Variants in LYVE1 observed in about 807,000 individuals in gnomAD.
LYVE1 encodes lymphatic vessel endothelial hyaluronic acid receptor 1.
In LYVE1, 29 loss-of-function variants were observed where a neutral mutation model predicts 31.5. The ratio of observed to expected loss-of-function variants is 0.92; its 90% CI spans 0.69 to 1.26. LYVE1 has a LOEUF of 1.26. LYVE1 is among the 50% of genes most tolerant of loss of function. The probability of loss-of-function intolerance (pLI) is 0.00; values close to 1 mark genes in which losing one functional copy is unlikely to be tolerated. For missense variants in LYVE1, 376 were observed against 380.2 expected (o/e 0.99, Z 0.09); for synonymous variants, 134 against 139.4 (o/e 0.96, Z 0.27).
intron 4 of LYVE1, 99 bp from the exon 5 acceptor site, chr11:10,559,993 G>T: frequency 1.2e-6 from 1 of 829,696 alleles, no homozygotes; most frequent in East Asian, 2.5e-5. Context: ...GACAGTACAG[G>T]AGAAAAACCT....
intron 1 of LYVE1, among the ~76,000 whole-genome samples, chr11:10,566,513 A>C (rs758106575): frequency 2.6e-5 from 4 of 152,208 alleles, no homozygotes; most frequent in Middle Eastern, 6.8e-3. Flanking sequence ...CTCCCTGAAC[A>C]CACCGTTTGC....
At position 10,559,854 on chromosome 11, in the gene LYVE1, AAAG is replaced by A. The variant is rs779995039; in HGVS notation, c.741_743del (p.Phe248del). On this transcript the variant is annotated inframe_deletion, in exon 5 of 6. Coordinates refer to ENST00000256178, the MANE Select transcript of LYVE1 (RefSeq NM_006691.4). ...AAAATCCAAGACCAGCTGCAGCACC[AAAG>A]AAGAGGAGAGCAAGCACTAGCAGAG... 6.2e-6 allele frequency: 10 copies of A among 1,613,986 alleles called. No homozygotes were observed. The highest frequency in any genetic ancestry group is 1.1e-5 in the South Asian group (1 of 91,070).
rs930123438 is a variant in LYVE1, at chr11:10,559,801, C to T, written c.782+15G>A. On this transcript the variant is annotated intron_variant, in intron 5 of 5. Transcript: ENST00000256178. The stretch of plus-strand genomic sequence containing the variant: ...GACAAAGATTACAAGACTAGCAGTG[C>T]ACCAACAACCCTACCTTTTGACATA... The T allele has an allele frequency of 1.6e-5, 25 of 1,611,618 alleles. No homozygotes were observed. Among genetic ancestry groups the T allele is most frequent in the Non-Finnish European group, 2.1e-5 (25 of 1,177,832 alleles).
chr11:10,564,655 A>G (rs919331957), intron 1 of LYVE1, among the ~76,000 whole-genome samples: 7 of 152,182 alleles, frequency 4.6e-5, no homozygotes, highest in Non-Finnish European at 1.0e-4. Context: ...GGCTTTGGCT[A>G]CCTGTTGTTG....
intron 1 of LYVE1, 31 bp from the exon 2 acceptor site, chr11:10,564,405 G>T (rs942104929): frequency 1.3e-6 from 2 of 1,599,234 alleles, no homozygotes; most frequent in South Asian, 1.1e-5. Flanking sequence ...TCCTCAGTTT[G>T]CTGCTGTCCT....
chr11:10,557,987 T>C lies in LYVE1; in HGVS notation c.*1124A>G, dbSNP rs1203304799. The C allele has an allele frequency of 6.6e-6, 1 of 152,224 alleles. No individual in the cohort carries two copies. Among genetic ancestry groups the C allele is most frequent in the Admixed American group, 6.5e-5 (1 of 15,274 alleles). The allele number at this position is 152,224 out of a possible 1,614,324, so 9.4% of individuals were successfully genotyped here. ...ATGGCACTTTTAAAATGTGCTTTGG[T>C]ATATAGAGGTAACAATGTACTTCTT... On this transcript the variant is annotated 3_prime_UTR_variant, in exon 6 of 6. Coordinates refer to ENST00000256178, the MANE Select transcript of LYVE1 (RefSeq NM_006691.4).
Position 10,557,707 on chromosome 11 carries a change from T to C in LYVE1, c.*1404A>G, listed in dbSNP as rs145496325. Reference sequence around the variant, plus strand: ...AACTCAAAATAAAATGTTTGGAGCATGAATAGCCCCATATGATATATGCTG... The same window carrying C: ...AACTCAAAATAAAATGTTTGGAGCACGAATAGCCCCATATGATATATGCTG... On this transcript the variant is annotated 3_prime_UTR_variant, in exon 6 of 6. Coordinates refer to ENST00000256178, the MANE Select transcript of LYVE1 (RefSeq NM_006691.4). 2.0e-5 allele frequency: 3 copies of C among 152,378 alleles called. No individual in the cohort carries two copies. The East Asian group carries it at 5.8e-4, about 29-fold the overall frequency. The allele number at this position is 152,378 out of a possible 1,614,324, so 9.4% of individuals were successfully genotyped here.
At chr11:10,562,715 G>A (rs1054026049) in intron 3 of LYVE1, among the ~76,000 whole-genome samples, 1 of 152,148 alleles carries the variant, frequency 6.6e-6, no homozygotes, top group Non-Finnish European at 1.5e-5. Flanking sequence ...GGCTAAGGCA[G>A]CCAAGGTCTT....
chr11:10,565,167 T>G (rs1850510682), intron 1 of LYVE1, among the ~76,000 whole-genome samples: 1 of 152,334 alleles, frequency 6.6e-6, no homozygotes, highest in Non-Finnish European at 1.5e-5. Context: ...TTTAGCATAG[T>G]GCCTGCCACA....
chr11:10,567,713 A>G (rs1850569354), intron 1 of LYVE1, among the ~76,000 whole-genome samples: 2 of 152,228 alleles, frequency 1.3e-5, no homozygotes, highest in Admixed American at 6.5e-5. Context: ...AGGCATCTCA[A>G]AAGCCCAGCG....
intron 1 of LYVE1, among the ~76,000 whole-genome samples, chr11:10,567,778 T>C (rs977348454): frequency 6.6e-6 from 1 of 152,230 alleles, no homozygotes; most frequent in African/African-American, 2.4e-5. Context: ...TTCAAACTTA[T>C]ATTTTTACAG....
Position 10,558,416 on chromosome 11 carries a change from A to T in LYVE1, c.*695T>A, listed in dbSNP as rs566772274. ...AGCAGTGGTAGAGACCAGAAAAAGT[A>T]AGTGTGTGTGTTCTAAACAGTGATT... On this transcript the variant is annotated 3_prime_UTR_variant, in exon 6 of 6. Transcript: ENST00000256178. The T allele has an allele frequency of 6.6e-6, 1 of 152,342 alleles. No individual in the cohort carries two copies. Among genetic ancestry groups the T allele is most frequent in the Non-Finnish European group, 1.5e-5 (1 of 68,030 alleles). 9.4% of individuals were successfully genotyped at this position (152,342 alleles called of 1,614,324 possible).
In LYVE1 at chr11:10,557,447, G is replaced by A. The variant is rs1850337579; in HGVS notation, c.*1664C>T. 1 of 152,234 alleles carries A rather than the reference G, an allele frequency of 6.6e-6. No homozygotes were observed. The highest frequency in any genetic ancestry group is 1.9e-4 in the East Asian group (1 of 5,200). The allele number at this position is 152,234 out of a possible 1,614,324, so 9.4% of individuals were successfully genotyped here. On this transcript the variant is annotated 3_prime_UTR_variant, in exon 6 of 6. Coordinates refer to ENST00000256178, the MANE Select transcript of LYVE1 (RefSeq NM_006691.4). ...GGGCCAACCGGAAAAGATTATGCCAGCAGGTTGTGGCATCTGGGCCGAAGG... is the reference window on the plus strand; with the variant it reads ...GGGCCAACCGGAAAAGATTATGCCAACAGGTTGTGGCATCTGGGCCGAAGG...
Position 10,564,264 on chromosome 11 carries a change from G to T in LYVE1, c.196C>A (p.Leu66Ile). Reference sequence around the variant, plus strand: ...ACTTGGTCCTTGCCGGCCAAACTTAGTCCCAGCAGCCTACAGGCCTCCTTA... The same window carrying T: ...ACTTGGTCCTTGCCGGCCAAACTTATTCCCAGCAGCCTACAGGCCTCCTTA... ...EAKEACRLLG[L>I]SLAGKDQVET... Residue 66 changes from leucine (L) to isoleucine (I), a missense_variant, in exon 2 of 6, where the codon CTA becomes ATA. Leu to Ile is a conservative substitution (Grantham distance 5). Transcript: ENST00000256178. 3.1e-6 allele frequency: 5 copies of T among 1,614,182 alleles called. No homozygotes were observed. The highest frequency in any genetic ancestry group is 4.2e-6 in the Non-Finnish European group (5 of 1,180,020).
chr11:10,563,122 T>G (rs563726922), intron 3 of LYVE1, among the ~76,000 whole-genome samples: 1 of 151,842 alleles, frequency 6.6e-6, no homozygotes, highest in Non-Finnish European at 1.5e-5. Flanking sequence ...CCTGGCTAAT[T>G]TTTTGTATTT....
intron 5 of LYVE1, 63 bp from the exon 6 acceptor site, chr11:10,559,360 T>C (rs1850370812): frequency 7.2e-7 from 1 of 1,384,962 alleles, no homozygotes. Context: ...ATAACACTTT[T>C]TGGCCATGGT....
Position 10,558,979 on chromosome 11 carries a change from G to A in LYVE1, c.*132C>T, listed in dbSNP as rs1386164144. 8.9e-6 allele frequency: 7 copies of A among 787,368 alleles called. No homozygotes were observed. The highest frequency in any genetic ancestry group is 1.5e-5 in the Non-Finnish European group (7 of 475,722). 48.8% of individuals were successfully genotyped at this position (787,368 alleles called of 1,614,324 possible). ...CTCCATAGTCCAATGGCAGTCCTGA[G>A]CTGATTCCAGTTAGGAACCAAGGGT... On this transcript the variant is annotated 3_prime_UTR_variant, in exon 6 of 6. Transcript: ENST00000256178.
In LYVE1 at chr11:10,568,485, G is replaced by T. The variant is rs775352742; in HGVS notation, c.48C>A (p.Thr16=). The T allele has an allele frequency of 4.3e-6, 7 of 1,613,912 alleles. No individual in the cohort carries two copies. In the Admixed American group the frequency reaches 1.2e-4, roughly 27 times the overall value. The change falls in exon 1 of 6, where the codon ACC becomes ACA. Residue 16 remains threonine, a synonymous_variant. Transcript: ENST00000256178. The stretch of plus-strand genomic sequence containing the variant: ...AAGAGCCTTGGACCAGGAGCCTCGT[G>T]GTCCAGATGGAAGTGAGAAGCAACA... ...SLVLLLTSIW[T]TRLLVQGSLR... is the part of the protein sequence containing the mutation.
intron 1 of LYVE1, 98 bp downstream of exon 1, chr11:10,568,350 C>A: frequency 8.1e-7 from 1 of 1,234,238 alleles, no homozygotes; most frequent in African/African-American, 1.5e-5. Context: ...GCTGTTGACA[C>A]TGAGGGTCAC....
Sources: gnomAD v4.1 joint callset for allele counts (sites outside exome capture counted in the v4.1 genomes callset) on GRCh38, gnomAD v4.1.1 for gene constraint, MANE v1.5 for transcripts, NCBI Gene and HGNC (gene_info 2026-07-23, HGNC 2026-07-21) for gene names.